Variants in ANXA2 observed in about 807,000 individuals in gnomAD.
ANXA2 encodes annexin A2.
ANXA2 carries 28 observed loss-of-function variants against 47.3 expected under a neutral mutation model. That is an observed-to-expected ratio of 0.59 (90% CI 0.44 to 0.81). ANXA2 has a LOEUF of 0.81. Ranked by LOEUF, ANXA2 falls within the 40% of genes least tolerant of loss-of-function variation. ANXA2 has a pLI of 0.00. For missense variants in ANXA2, 384 were observed against 414.3 expected, an observed-to-expected ratio of 0.93 and a Z score of 0.64; for synonymous variants, 172 against 155.5, an observed-to-expected ratio of 1.11 and a Z score of -0.79.
chr15:60,372,654 G>T (rs900889206), intron 3 of ANXA2, among the ~76,000 whole-genome samples: 1 of 151,144 alleles, frequency 6.6e-6, no homozygotes, highest in East Asian at 1.9e-4. Context: ...CTACCCTATA[G>T]GACATTAATG....
intron 1 of ANXA2, chr15:60,393,150 A>C: frequency 1.6e-6 from 2 of 1,276,364 alleles, no homozygotes; most frequent in Non-Finnish European, 2.0e-6. Flanking sequence ...GACCTCGATC[A>C]AACTGAGCAG....
intron 1 of ANXA2, chr15:60,395,690 C>A (rs1869490): frequency 1.7e-4 from 26 of 152,318 alleles, no homozygotes; most frequent in African/African-American, 6.3e-4. Context: ...ACACAAGATG[C>A]TAAATATTGA....
At chr15:60,387,818 G>A (rs560799239) in intron 1 of ANXA2, among the ~76,000 whole-genome samples, 2 of 152,302 alleles carry the variant, frequency 1.3e-5, no homozygotes, top group East Asian at 1.9e-4. Flanking sequence ...GAAGCTATGC[G>A]TATGTGGGAA....
Position 60,363,705 on chromosome 15 carries a change from C to T in ANXA2, c.243+724G>A, listed in dbSNP as rs2062551480. ...ACAAAGACCCTTTAAATAGTAGGAG[C>T]ATGGCATGTTGAAGATAGCTTTGCA... On this transcript the variant is annotated intron_variant, in intron 4 of 12. Coordinates refer to ENST00000451270, the MANE Select transcript of ANXA2 (RefSeq NM_004039.3). Among the ~76,000 whole-genome samples, 3 of 152,192 alleles carry T rather than the reference C, an allele frequency of 2.0e-5. No individual in the cohort carries two copies. The South Asian group carries it at 6.2e-4, about 32-fold the overall frequency.
chr15:60,360,547 A>G (rs1306578338), intron 5 of ANXA2, among the ~76,000 whole-genome samples: 1 of 152,254 alleles, frequency 6.6e-6, no homozygotes, highest in Admixed American at 6.5e-5. Flanking sequence ...TGGGAGGAAG[A>G]AACACCCACG....
Sources: allele counts gnomAD v4.1 joint callset (sites outside exome capture counted in the v4.1 genomes callset), GRCh38; gene constraint gnomAD v4.1.1; transcripts MANE v1.5; gene names NCBI Gene and HGNC (gene_info 2026-07-23, HGNC 2026-07-21).